SYNE2: variants seen among roughly 807,000 people sequenced by gnomAD.
SYNE2 encodes spectrin repeat containing nuclear envelope protein 2.
A neutral mutation model predicts 856.3 loss-of-function variants in SYNE2; 431 were observed. The ratio of observed to expected loss-of-function variants is 0.50; its 90% CI spans 0.47 to 0.55. The LOEUF (loss-of-function observed/expected upper bound fraction) is 0.55. SYNE2 is among the 20% of genes least tolerant of loss of function. The probability of loss-of-function intolerance (pLI) is 0.00; values close to 1 mark genes in which losing one functional copy is unlikely to be tolerated. For synonymous variants in SYNE2, 2,923 were observed against 2,872.3 expected (o/e 1.02, Z -0.56); for missense variants, 8,129 against 8,023.2 (o/e 1.01, Z -0.50).
chr14:64,192,267 G>C (rs2098522017), intron 99 of SYNE2, among the ~76,000 whole-genome samples: 1 of 152,202 alleles, frequency 6.6e-6, no homozygotes, highest in African/African-American at 2.4e-5. Context: ...TTGTGTCTTT[G>C]TGGTCGCCTT....
chr14:64,144,120 AG>A (rs2098162781), intron 83 of SYNE2, among the ~76,000 whole-genome samples, 172 bp downstream of exon 83: 2 of 152,230 alleles, frequency 1.3e-5, no homozygotes, highest in African/African-American at 4.8e-5. Flanking sequence ...TACCTATAAG[AG>A]AATATAAAAA....
chr14:63,919,514 T>A (rs920898304), intron 2 of SYNE2, among the ~76,000 whole-genome samples: 1 of 152,080 alleles, frequency 6.6e-6, no homozygotes, highest in African/African-American at 2.4e-5. Context: ...GGGCAAGGGG[T>A]GGCCTGACCT....
At chr14:63,997,479 G>A (rs2096722319) in intron 25 of SYNE2, 88 bp downstream of exon 25, 1 of 1,066,200 alleles carries the variant, frequency 9.4e-7, no homozygotes, top group South Asian at 1.4e-5. Context: ...ATTAGGTGTT[G>A]GTTTTAATTA....
chr14:64,217,920 A>C (rs1251235562), intron 108 of SYNE2, among the ~76,000 whole-genome samples: 1 of 152,166 alleles, frequency 6.6e-6, no homozygotes, highest in Admixed American at 6.5e-5. Context: ...ACACTTGGTA[A>C]CGAATGCCCC....
chr14:64,219,096 GTTTTTTTGTT>G (rs1221700172), intron 109 of SYNE2, 102 bp from the exon 110 acceptor site: 10 of 758,712 alleles, frequency 1.3e-5, no homozygotes, highest in African/African-American at 8.4e-5. Flanking sequence ...ATCCCCTACA[GTTTTTTTGTT>G]TTTTTTTTTT....
chr14:64,068,275 C>T (rs185412214), intron 51 of SYNE2, among the ~76,000 whole-genome samples: 33 of 152,306 alleles, frequency 2.2e-4, no homozygotes, highest in Non-Finnish European at 4.3e-4. Context: ...CCTCGTTCCT[C>T]TTTGTGGTCA....
At chr14:63,892,195 A>T (rs773430112) in intron 1 of SYNE2, among the ~76,000 whole-genome samples, 1 of 147,350 alleles carries the variant, frequency 6.8e-6, no homozygotes, top group African/African-American at 2.4e-5. Flanking sequence ...TCGTGCAGTT[A>T]TATTATTCAA....
At chr14:64,079,185 A>C (rs2097498086) in intron 55 of SYNE2, among the ~76,000 whole-genome samples, 1 of 152,224 alleles carries the variant, frequency 6.6e-6, no homozygotes, top group Non-Finnish European at 1.5e-5. Flanking sequence ...TCTTGGGGAT[A>C]CTGATACTAA....
At chr14:63,961,234 T>G (rs2096309379) in intron 8 of SYNE2, among the ~76,000 whole-genome samples, 1 of 152,254 alleles carries the variant, frequency 6.6e-6, no homozygotes. Flanking sequence ...CTCTGACTAC[T>G]TATGCCTTCA....
In SYNE2 at chr14:64,126,477, G is replaced by A. The variant is rs777781350; in HGVS notation, c.13705G>A (p.Glu4569Lys). ...TGGTTCTGGCCAGCAGGTGCACTAC[G>A]AGGTAGGGCACTTCTCACGAGCCCA... ...EDGSGQQVHY[E>K]TLALELKKLY... Residue 4569 changes from glutamate (E) to lysine (K), a missense_variant and splice_region_variant, in exon 72 of 116, where the codon GAG becomes AAG. Coordinates refer to ENST00000555002, the MANE Select transcript of SYNE2 (RefSeq NM_182914.3). The A allele has an allele frequency of 5.6e-6, 9 of 1,614,134 alleles. No individual in the cohort carries two copies. The highest frequency in any genetic ancestry group is 1.6e-4 in the Middle Eastern group (1 of 6,062).
chr14:64,117,788 A>G (rs957618866), intron 66 of SYNE2, among the ~76,000 whole-genome samples: 3 of 152,170 alleles, frequency 2.0e-5, no homozygotes, highest in African/African-American at 7.2e-5. Context: ...TTGGATTTTC[A>G]GATTAGGTAT....
intron 56 of SYNE2, 67 bp downstream of exon 56, chr14:64,080,705 A>G: frequency 6.4e-7 from 1 of 1,571,686 alleles, no homozygotes; most frequent in Non-Finnish European, 8.8e-7. Flanking sequence ...AAGCAAAACA[A>G]TATATTCAGA....
intron 96 of SYNE2, among the ~76,000 whole-genome samples, chr14:64,182,337 G>A (rs2098461801): frequency 6.6e-6 from 1 of 151,902 alleles, no homozygotes; most frequent in Non-Finnish European, 1.5e-5. Flanking sequence ...CAGTTTGGTT[G>A]CAAGTCTGGG....
chr14:64,086,486 T>C (rs10136783), intron 57 of SYNE2, among the ~76,000 whole-genome samples: 15,923 of 152,152 alleles, frequency 0.1, 973 homozygotes, highest in African/African-American at 0.17. Flanking sequence ...TCAAGGCCTT[T>C]GTATTTCGAT....
rs1471319047 is a variant in SYNE2 at position 64,130,043 on chromosome 14, T to C, written c.14140-5T>C. The C allele has an allele frequency of 1.9e-6, 3 of 1,613,636 alleles. No homozygotes were observed. ...GCATGTGTGCACCTGCTCTTCTCTTTTCAGGATGTACTTGACAGTATGTGG... is the reference window on the plus strand; with the variant it reads ...GCATGTGTGCACCTGCTCTTCTCTTCTCAGGATGTACTTGACAGTATGTGG... On this transcript the variant is annotated splice_region_variant and splice_polypyrimidine_tract_variant and intron_variant, in intron 75 of 115. Coordinates refer to ENST00000555002, the MANE Select transcript of SYNE2 (RefSeq NM_182914.3).
At chr14:64,224,029 G>C (rs1270471512) in intron 113 of SYNE2, among the ~76,000 whole-genome samples, 2 of 151,978 alleles carry the variant, frequency 1.3e-5, no homozygotes, top group African/African-American at 2.4e-5. Flanking sequence ...TTGGGAGTGA[G>C]AGCAATAGAA....
intron 2 of SYNE2, among the ~76,000 whole-genome samples, chr14:63,921,115 A>G (rs1216842130): frequency 1.3e-5 from 2 of 152,108 alleles, no homozygotes; most frequent in African/African-American, 4.8e-5. Flanking sequence ...ACTCTGTCTC[A>G]AAAATAAATA....
intron 99 of SYNE2, among the ~76,000 whole-genome samples, chr14:64,197,497 A>G (rs1218517114): frequency 6.6e-6 from 1 of 152,214 alleles, no homozygotes; most frequent in Non-Finnish European, 1.5e-5. Flanking sequence ...ATACAATTGT[A>G]CAGGATTTGT....
At chr14:64,121,089 G>C in intron 68 of SYNE2, 28 bp downstream of exon 68, 4 of 1,613,562 alleles carry the variant, frequency 2.5e-6, no homozygotes, top group Non-Finnish European at 2.5e-6. Flanking sequence ...CAGTTGTAGG[G>C]ACTAGAATAT....
Sources: allele counts gnomAD v4.1 joint callset (sites outside exome capture counted in the v4.1 genomes callset), GRCh38; gene constraint gnomAD v4.1.1; transcripts MANE v1.5; gene names NCBI Gene and HGNC (gene_info 2026-07-23, HGNC 2026-07-21).